PTCHD4: variants seen among roughly 807,000 people sequenced by gnomAD.
PTCHD4 encodes patched domain containing 4.
Under a neutral mutation model 58.1 loss-of-function variants are expected in PTCHD4, and 33 were observed. That is an observed-to-expected ratio of 0.57 (90% confidence interval 0.43 to 0.76). The LOEUF is 0.76. Among genes scored for constraint, PTCHD4 ranks in the 30% least tolerant of loss-of-function variants. The pLI is 0.00. For synonymous variants in PTCHD4, 478 were observed against 409.6 expected, an observed-to-expected ratio of 1.17 and a Z score of -2.02; for missense variants, 1,058 against 1,027.1, an observed-to-expected ratio of 1.03 and a Z score of -0.41.
At chr6:47,948,722 T>A (rs2113941053) in intron 4 of PTCHD4, among the ~76,000 whole-genome samples, 1 of 152,282 alleles carries the variant, frequency 6.6e-6, no homozygotes, top group Non-Finnish European at 1.5e-5. Context: ...CTATAAGATC[T>A]TTTAACATGG....
At chr6:48,049,003 G>T (rs1165181020) in intron 3 of PTCHD4, among the ~76,000 whole-genome samples, 1 of 151,972 alleles carries the variant, frequency 6.6e-6, no homozygotes, top group African/African-American at 2.4e-5. Flanking sequence ...CATTCACTGT[G>T]AGGGATTTAG....
chr6:47,989,660 G>T (rs1768208463), intron 4 of PTCHD4, among the ~76,000 whole-genome samples: 2 of 152,218 alleles, frequency 1.3e-5, no homozygotes, highest in Admixed American at 6.5e-5. Flanking sequence ...CAGGTGCACA[G>T]AAGTCAAGAA....
chr6:48,076,690 A>C (rs1327164705), intron 1 of PTCHD4, among the ~76,000 whole-genome samples: 1 of 152,230 alleles, frequency 6.6e-6, no homozygotes, highest in Non-Finnish European at 1.5e-5. Context: ...TTAAATGTAA[A>C]GGAGTTTAAT....
chr6:48,041,143 T>G (rs1201177660), intron 3 of PTCHD4, among the ~76,000 whole-genome samples: 1 of 152,064 alleles, frequency 6.6e-6, no homozygotes, highest in Non-Finnish European at 1.5e-5. Flanking sequence ...CAAGTTCAGT[T>G]GAGTGAGCAA....
chr6:47,909,153 G>A (rs896163436), intron 4 of PTCHD4, among the ~76,000 whole-genome samples: 1 of 152,078 alleles, frequency 6.6e-6, no homozygotes, highest in Non-Finnish European at 1.5e-5. Flanking sequence ...AATCTAGAAG[G>A]GAACTGTAAT....
At chr6:47,914,923 T>A (rs1328883335) in intron 4 of PTCHD4, among the ~76,000 whole-genome samples, 3 of 152,060 alleles carry the variant, frequency 2.0e-5, no homozygotes, top group Non-Finnish European at 4.4e-5. Flanking sequence ...ATGAAAGTGA[T>A]ATACTATTTA....
At chr6:47,980,024 T>C (rs577330573) in intron 4 of PTCHD4, among the ~76,000 whole-genome samples, 231 of 152,242 alleles carry the variant, frequency 1.5e-3, no homozygotes, top group Non-Finnish European at 2.9e-3. Flanking sequence ...TTCATCAAAA[T>C]GGACACACCA....
chr6:48,001,826 T>A (rs1458106287), intron 4 of PTCHD4, among the ~76,000 whole-genome samples: 1 of 152,200 alleles, frequency 6.6e-6, no homozygotes, highest in Non-Finnish European at 1.5e-5. Context: ...ACAGGCAACC[T>A]ACAGAATGGA....
At position 48,008,719 on chromosome 6, in the gene PTCHD4, G is replaced by A. The variant is rs745785404; in HGVS notation, c.813C>T (p.Ile271=). 6.2e-7 allele frequency: 1 copy of A among 1,613,856 alleles called. No homozygotes were observed. Among genetic ancestry groups the A allele is most frequent in the East Asian group, 2.2e-5 (1 of 44,854 alleles). The change falls in exon 4 of 5, where the codon ATC becomes ATT. Residue 271 remains isoleucine (I), a synonymous_variant. Coordinates refer to ENST00000339488, the MANE Select transcript of PTCHD4 (RefSeq NM_001384253.1). ...AGATCCCTGCTGCTGTGATGATGGA[G>A]ATGCATACTGTGAGCACCCCCAGGA... ...LGLLGVLTVC[I]SIITAAGIFF...
chr6:47,936,904 C>A (rs1421227069), intron 4 of PTCHD4, among the ~76,000 whole-genome samples: 1 of 152,166 alleles, frequency 6.6e-6, no homozygotes, highest in Non-Finnish European at 1.5e-5. Context: ...TAGAGGTGGT[C>A]AAGCTAGGTT....
chr6:47,925,973 A>C (rs1765599545), intron 4 of PTCHD4, among the ~76,000 whole-genome samples: 1 of 152,140 alleles, frequency 6.6e-6, no homozygotes, highest in Non-Finnish European at 1.5e-5. Flanking sequence ...TGAGGCTTCC[A>C]AGACTCTCGC....
Position 47,865,171 on chromosome 6 carries a change from A to T in PTCHD4, c.*13132T>A, listed in dbSNP as rs1237300125. On this transcript the variant is annotated 3_prime_UTR_variant, in exon 5 of 5. Coordinates refer to ENST00000339488, the MANE Select transcript of PTCHD4 (RefSeq NM_001384253.1). The stretch of plus-strand genomic sequence containing the variant: ...TAATACGTGCATGTAGATAAGAGTT[A>T]TATATACCTGAGTATCCAGTAATTT... 1.3e-5 allele frequency among the ~76,000 whole-genome samples: 2 copies of T among 151,978 alleles called. No homozygotes were observed. Among genetic ancestry groups the T allele is most frequent in the Non-Finnish European group, 2.9e-5 (2 of 67,920 alleles).
intron 1 of PTCHD4, among the ~76,000 whole-genome samples, chr6:48,096,135 T>C (rs147443059): frequency 6.6e-6 from 1 of 152,242 alleles, no homozygotes; most frequent in African/African-American, 2.4e-5. Context: ...ATGAGAAGAA[T>C]ACAGTAGAAG....
intron 4 of PTCHD4, among the ~76,000 whole-genome samples, chr6:47,928,197 C>T (rs570844592): frequency 6.6e-6 from 1 of 152,234 alleles, no homozygotes; most frequent in Non-Finnish European, 1.5e-5. Context: ...TAAAAAATTG[C>T]TCCTAAGGCA....
chr6:48,047,063 A>T (rs1024914321), intron 3 of PTCHD4, among the ~76,000 whole-genome samples: 1 of 151,854 alleles, frequency 6.6e-6, no homozygotes, highest in African/African-American at 2.4e-5. Flanking sequence ...CCATAGGTCC[A>T]ATCACCAGAA....
At chr6:48,003,232 T>A (rs1204424964) in intron 4 of PTCHD4, among the ~76,000 whole-genome samples, 3 of 152,214 alleles carry the variant, frequency 2.0e-5, no homozygotes, top group South Asian at 4.1e-4. Flanking sequence ...CAAATTTGTA[T>A]CTTCAGCTCT....
intron 4 of PTCHD4, among the ~76,000 whole-genome samples, chr6:47,973,288 T>C (rs1767581627): frequency 6.6e-6 from 1 of 152,204 alleles, no homozygotes; most frequent in Non-Finnish European, 1.5e-5. Flanking sequence ...CAAAATTTGG[T>C]TCATACCTAA....
At chr6:48,013,910 GATAAT>G (rs1762779457) in intron 3 of PTCHD4, among the ~76,000 whole-genome samples, 1 of 152,126 alleles carries the variant, frequency 6.6e-6, no homozygotes, top group South Asian at 2.1e-4. Flanking sequence ...AGAGGGTGCT[GATAAT>G]GTATCTGGAC....
intron 4 of PTCHD4, among the ~76,000 whole-genome samples, chr6:47,993,062 A>T (rs1768340609): frequency 6.6e-6 from 1 of 152,216 alleles, no homozygotes; most frequent in Non-Finnish European, 1.5e-5. Context: ...AAGCATGGGC[A>T]CCATGGCACG....
Sources: allele counts gnomAD v4.1 joint callset (sites outside exome capture counted in the v4.1 genomes callset), GRCh38; gene constraint gnomAD v4.1.1; transcripts MANE v1.5; gene names NCBI Gene and HGNC (gene_info 2026-07-23, HGNC 2026-07-21).